Variants in SLC35F4 observed in about 807,000 individuals in gnomAD.
SLC35F4 encodes the protein solute carrier family 35 member F4.
Under a neutral mutation model 44.2 loss-of-function variants are expected in SLC35F4, and 24 were observed. That is an observed-to-expected ratio of 0.54 (90% CI 0.39 to 0.76). The LOEUF (loss-of-function observed/expected upper bound fraction) is 0.76. SLC35F4 is among the 30% of genes least tolerant of loss of function. SLC35F4 has a pLI of 0.00. For synonymous variants in SLC35F4, 238 were observed against 223.6 expected (o/e 1.06, Z -0.57); for missense variants, 562 against 586.1 (o/e 0.96, Z 0.42).
chr14:57,597,233 C>A (rs1357252427), intron 1 of SLC35F4, among the ~76,000 whole-genome samples: 1 of 152,168 alleles, frequency 6.6e-6, no homozygotes, highest in Non-Finnish European at 1.5e-5. Context: ...TGTGAGTAAA[C>A]TGTATTAGGA....
rs532299554 is a variant in SLC35F4, at chr14:57,860,892, A to G, written c.103+4831T>C. On this transcript the variant is annotated intron_variant, in intron 1 of 7. Transcript: ENST00000556826. The stretch of plus-strand genomic sequence containing the variant: ...CTGCTTACCAGGTTTAATTTCCATG[A>G]TCAATCATTTTATTAATACAACTCT... 2.0e-5 allele frequency among the ~76,000 whole-genome samples: 3 copies of G among 152,236 alleles called. No homozygotes were observed. The East Asian group carries it at 5.8e-4, about 29-fold the overall frequency.
At chr14:57,704,079 T>C (rs2075609410) in intron 1 of SLC35F4, among the ~76,000 whole-genome samples, 1 of 152,172 alleles carries the variant, frequency 6.6e-6, no homozygotes, top group African/African-American at 2.4e-5. Flanking sequence ...GAACTATTTC[T>C]CTAGGCAGGA....
intron 1 of SLC35F4, among the ~76,000 whole-genome samples, chr14:57,752,594 G>A (rs1323124966): frequency 1.3e-5 from 2 of 151,962 alleles, no homozygotes; most frequent in African/African-American, 4.8e-5. Context: ...CCGAGTAACT[G>A]GGACTACAGG....
intron 1 of SLC35F4, among the ~76,000 whole-genome samples, chr14:57,890,956 G>A (rs1326313453): frequency 6.6e-6 from 1 of 152,136 alleles, no homozygotes; most frequent in Non-Finnish European, 1.5e-5. Flanking sequence ...AGATGCAGGA[G>A]GAAGGAATAT....
intron 1 of SLC35F4, among the ~76,000 whole-genome samples, chr14:57,906,219 C>T (rs1400390088): frequency 6.6e-6 from 1 of 152,178 alleles, no homozygotes; most frequent in African/African-American, 2.4e-5. Context: ...AGGTAGAAGT[C>T]CACCATACCC....
chr14:57,861,720 A>G (rs1340838988), intron 1 of SLC35F4, among the ~76,000 whole-genome samples: 3 of 151,912 alleles, frequency 2.0e-5, no homozygotes, highest in African/African-American at 7.3e-5. Flanking sequence ...ACTCAGCTAA[A>G]CTCTTCCCCT....
At chr14:57,889,928 C>G (rs1278835314) in intron 1 of SLC35F4, among the ~76,000 whole-genome samples, 2 of 152,106 alleles carry the variant, frequency 1.3e-5, no homozygotes, top group African/African-American at 4.8e-5. Flanking sequence ...GAGAGCAAAA[C>G]AGATAAGTTT....
At chr14:57,954,549 A>G (rs540993545) in intron 1 of SLC35F4, among the ~76,000 whole-genome samples, 24 of 152,300 alleles carry the variant, frequency 1.6e-4, no homozygotes, top group African/African-American at 4.6e-4. Flanking sequence ...AGAAGAAAAG[A>G]GAGAAGAATC....
chr14:57,828,744 T>G (rs1409655598), intron 1 of SLC35F4, among the ~76,000 whole-genome samples: 1 of 152,200 alleles, frequency 6.6e-6, no homozygotes, highest in Non-Finnish European at 1.5e-5. Flanking sequence ...TGGACTGTTC[T>G]TTCAGAAAAC....
intron 1 of SLC35F4, among the ~76,000 whole-genome samples, chr14:57,951,820 G>A (rs1722885281): frequency 1.3e-5 from 2 of 152,176 alleles, no homozygotes. Flanking sequence ...ATCTCCCTGG[G>A]ACAGAGCACC....
chr14:57,798,312 G>A (rs1018602214), intron 1 of SLC35F4, among the ~76,000 whole-genome samples: 1 of 151,938 alleles, frequency 6.6e-6, no homozygotes, highest in Non-Finnish European at 1.5e-5. Context: ...GGAATGAAGT[G>A]TACTCAACAT....
At chr14:57,870,720 T>C (rs539241328), upstream of SLC35F4, among the ~76,000 whole-genome samples, 11 of 152,294 alleles carry the variant, frequency 7.2e-5, no homozygotes, top group South Asian at 2.1e-3. Flanking sequence ...ACAATAAATA[T>C]TAATTTTCTT....
At chr14:57,864,268 C>A (rs1887933795) in intron 1 of SLC35F4, among the ~76,000 whole-genome samples, 2 of 152,112 alleles carry the variant, frequency 1.3e-5, no homozygotes, top group Non-Finnish European at 2.9e-5. Flanking sequence ...AAAAGAAATC[C>A]TTTGCCAATA....
At position 57,581,307 on chromosome 14, in the gene SLC35F4, C is replaced by T. The variant is rs201588441; in HGVS notation, c.714G>A (p.Thr238=). 255 of 1,613,512 alleles carry T rather than the reference C, an allele frequency of 1.6e-4. No homozygotes were observed. Among genetic ancestry groups the T allele is most frequent in the Non-Finnish European group, 2.1e-4 (242 of 1,179,798 alleles). The change falls in exon 4 of 8, where the codon ACG becomes ACA. Residue 238 remains threonine (T), a synonymous_variant. Coordinates refer to ENST00000556826, the MANE Select transcript of SLC35F4 (RefSeq NM_001306087.2). ...AGAACAGAGCGGAGACATCCGTGGC[C>T]GTCAGCTTCTTTAAAGCCAGTAAAT... The part of the protein sequence containing the change: ...YLYLLALKKL[T]ATDVSALFCC...
At chr14:57,820,229 A>G (rs942346519) in intron 1 of SLC35F4, among the ~76,000 whole-genome samples, 3 of 152,166 alleles carry the variant, frequency 2.0e-5, no homozygotes, top group African/African-American at 7.2e-5. Flanking sequence ...AAACACATAC[A>G]CACACACAAA....
chr14:57,719,559 G>A (rs2076029366), intron 1 of SLC35F4, among the ~76,000 whole-genome samples: 1 of 148,276 alleles, frequency 6.7e-6, no homozygotes, highest in African/African-American at 2.5e-5. Context: ...TTAATTCTTA[G>A]GTATTTAATT....
chr14:57,875,798 G>C (rs547976167), intron 1 of SLC35F4, among the ~76,000 whole-genome samples: 3 of 152,186 alleles, frequency 2.0e-5, no homozygotes, highest in Non-Finnish European at 4.4e-5. Context: ...ATTCTGCCTC[G>C]TGGTGAGATT....
chr14:57,656,227 A>G (rs1250883530), intron 1 of SLC35F4, among the ~76,000 whole-genome samples: 1 of 151,850 alleles, frequency 6.6e-6, no homozygotes, highest in Non-Finnish European at 1.5e-5. Flanking sequence ...ATATCTACCA[A>G]AAGTGGGAGA....
chr14:57,787,738 A>G (rs546277045), intron 1 of SLC35F4, among the ~76,000 whole-genome samples: 18 of 152,332 alleles, frequency 1.2e-4, no homozygotes, highest in Admixed American at 3.9e-4. Flanking sequence ...AGCCACGACT[A>G]CAAGAATTGC....
Sources: allele counts gnomAD v4.1 joint callset (sites outside exome capture counted in the v4.1 genomes callset), GRCh38; gene constraint gnomAD v4.1.1; transcripts MANE v1.5; gene names NCBI Gene and HGNC (gene_info 2026-07-23, HGNC 2026-07-21).